The following MTRF1 variants were observed in gnomAD, a reference collection of about 807,000 sequenced individuals.
MTRF1 encodes mitochondrial translation release factor 1, also known as peptide chain release factor 1, mitochondrial.
MTRF1 carries 51 observed loss-of-function variants against 62.9 expected under a neutral mutation model. The ratio of observed to expected loss-of-function variants is 0.81; its 90% CI spans 0.65 to 1.02. The LOEUF is 1.02. Ranked by LOEUF, MTRF1 falls within the 50% of genes least tolerant of loss-of-function variation. The probability of loss-of-function intolerance (pLI) is 0.00; values close to 1 mark genes in which losing one functional copy is unlikely to be tolerated. For synonymous variants in MTRF1, 158 were observed against 181.9 expected, an observed-to-expected ratio of 0.87 and a Z score of 1.06; for missense variants, 446 against 530.0, an observed-to-expected ratio of 0.84 and a Z score of 1.56.
intron 7 of MTRF1, among the ~76,000 whole-genome samples, chr13:41,228,515 G>A (rs181878003): frequency 6.6e-6 from 1 of 152,262 alleles, no homozygotes; most frequent in African/African-American, 2.4e-5. Context: ...CAGTCAGTGA[G>A]CTATGATCAT....
In MTRF1 at chr13:41,260,474, A is replaced by C; in HGVS notation, c.415+19T>G. On this transcript the variant is annotated intron_variant, in intron 2 of 9. Coordinates refer to ENST00000379480, the MANE Select transcript of MTRF1 (RefSeq NM_004294.4). ...TTTTCATAGCCCTTATGCAGGACAC[A>C]TAAGTATCTTTTACCTACTTTTACA... is the stretch of plus-strand genomic sequence containing the variant. 2 of 1,600,452 alleles carry C rather than the reference A, an allele frequency of 1.2e-6. No homozygotes were observed. Among genetic ancestry groups the C allele is most frequent in the South Asian group, 1.1e-5 (1 of 89,254 alleles).
At chr13:41,221,090 C>T (rs1038747363) in intron 9 of MTRF1, among the ~76,000 whole-genome samples, 7 of 152,108 alleles carry the variant, frequency 4.6e-5, no homozygotes, top group Non-Finnish European at 1.0e-4. Flanking sequence ...ACAGCTGTTG[C>T]CCTGGGGTTA....
chr13:41,269,091 A>G, the MTRF1 span, among the ~76,000 whole-genome samples: 1 of 148,412 alleles, frequency 6.7e-6, no homozygotes, highest in South Asian at 2.1e-4. Context: ...CTTATATAAA[A>G]TTATTTCTCT....
the MTRF1 span, among the ~76,000 whole-genome samples, chr13:41,308,538 G>C: frequency 9.2e-5 from 14 of 152,126 alleles, no homozygotes; most frequent in African/African-American, 3.4e-4. Flanking sequence ...TGAGTATGAG[G>C]GTGCTGAGAG....
intron 6 of MTRF1, among the ~76,000 whole-genome samples, chr13:41,237,194 G>A (rs932817379): frequency 2.1e-5 from 3 of 145,652 alleles, no homozygotes; most frequent in Non-Finnish European, 4.5e-5. Flanking sequence ...ACTCTAGCCT[G>A]GGTGACAGAG....
chr13:41,275,939 C>G, the MTRF1 span, among the ~76,000 whole-genome samples: 5 of 152,096 alleles, frequency 3.3e-5, no homozygotes, highest in Non-Finnish European at 5.9e-5. Flanking sequence ...TGAACAACTG[C>G]AAGGCCATAA....
intron 7 of MTRF1, among the ~76,000 whole-genome samples, chr13:41,232,545 AT>A (rs1593708362): frequency 6.6e-6 from 1 of 152,250 alleles, no homozygotes; most frequent in East Asian, 1.9e-4. Context: ...CCATGAAATG[AT>A]CGATGAAGTG....
chr13:41,311,225 G>A, the MTRF1 span: 3 of 495,564 alleles, frequency 6.1e-6, no homozygotes, highest in African/African-American at 4.1e-5. Context: ...CCGCGCATGC[G>A]CACAGGATCC....
chr13:41,218,700 T>C (rs1274269491), intron 9 of MTRF1, among the ~76,000 whole-genome samples: 1 of 152,212 alleles, frequency 6.6e-6, no homozygotes, highest in African/African-American at 2.4e-5. Flanking sequence ...ACTGGCTTAA[T>C]GAAAATACTT....
chr13:41,223,588 T>C (rs2033831709), intron 8 of MTRF1, among the ~76,000 whole-genome samples: 1 of 152,172 alleles, frequency 6.6e-6, no homozygotes, highest in South Asian at 2.1e-4. Context: ...TCCAAATCCT[T>C]AAAATCAAAT....
chr13:41,257,791 C>CT (rs2039924300), intron 2 of MTRF1: 2 of 450,510 alleles, frequency 4.4e-6, no homozygotes, highest in Middle Eastern at 3.9e-4. Context: ...GAGCAAGACT[C>CT]TGTCTCTTAA....
At position 41,260,765 on chromosome 13, in the gene MTRF1, C is replaced by T. The variant is rs376552425; in HGVS notation, c.143G>A (p.Cys48Tyr). ...ATTCTTACTTAACAGATGAAGAATG[C>T]AATTCCTGTTTTGTCTAAAAACTTG... ...RLQVFRQNRN[C>Y]ILHLLSKNWS... The change falls in exon 2 of 10, where the codon TGC becomes TAC. Residue 48 changes from cysteine to tyrosine, a missense_variant. Transcript: ENST00000379480. 1.8e-5 allele frequency: 29 copies of T among 1,614,000 alleles called. No homozygotes were observed. Among genetic ancestry groups the T allele is most frequent in the Non-Finnish European group, 1.7e-5 (20 of 1,180,028 alleles).
intron 9 of MTRF1, among the ~76,000 whole-genome samples, chr13:41,220,248 T>G (rs1427499836): frequency 6.9e-6 from 1 of 144,100 alleles, no homozygotes; most frequent in Non-Finnish European, 1.5e-5. Flanking sequence ...GAGAATCACT[T>G]GAACCCAGGA....
At chr13:41,309,560 A>C in the MTRF1 span, among the ~76,000 whole-genome samples, 2 of 151,808 alleles carry the variant, frequency 1.3e-5, no homozygotes, top group African/African-American at 4.8e-5. Flanking sequence ...ATTGCTGTGG[A>C]CCCCCAATTT....
the MTRF1 span, among the ~76,000 whole-genome samples, chr13:41,295,924 C>A: frequency 6.6e-6 from 1 of 152,088 alleles, no homozygotes; most frequent in Admixed American, 6.5e-5. Context: ...CTGATGCATG[C>A]CAGAACATCC....
At chr13:41,272,943 T>C in the MTRF1 span, among the ~76,000 whole-genome samples, 1 of 152,018 alleles carries the variant, frequency 6.6e-6, no homozygotes, top group Non-Finnish European at 1.5e-5. Flanking sequence ...GGAGGGGTGC[T>C]CCCAGACCTC....
the MTRF1 span, among the ~76,000 whole-genome samples, chr13:41,283,585 C>CTT: frequency 5.1e-4 from 43 of 83,554 alleles, 11 homozygotes; most frequent in East Asian, 8.4e-4. Context: ...CTCTGACAAT[C>CTT]TTTTTTTTTT....
chr13:41,237,453 G>A (rs2036833485), intron 6 of MTRF1, among the ~76,000 whole-genome samples: 1 of 150,908 alleles, frequency 6.6e-6, no homozygotes, highest in South Asian at 2.1e-4. Context: ...TAACCACACA[G>A]AAAAAAATCA....
chr13:41,217,205 G>C lies in MTRF1; in HGVS notation c.1248C>G (p.Gly416=). 3 of 1,606,910 alleles carry C rather than the reference G, an allele frequency of 1.9e-6. No homozygotes were observed. Among genetic ancestry groups the C allele is most frequent in the Non-Finnish European group, 2.6e-6 (3 of 1,176,134 alleles). The change falls in exon 10 of 10, where the codon GGC becomes GGG. Residue 416 remains glycine (G), a synonymous_variant. Transcript: ENST00000379480. ...GCAGTCTCTGAATTAGCTGATCCAG[G>C]CCCTTCCCACCACATAAAAATTCCT... is the stretch of plus-strand genomic sequence containing the variant. The part of the protein sequence containing the change: ...DIKEFLCGGK[G]LDQLIQRLLQ...
Sources: allele counts gnomAD v4.1 joint callset (sites outside exome capture counted in the v4.1 genomes callset), GRCh38; gene constraint gnomAD v4.1.1; transcripts MANE v1.5; gene names NCBI Gene and HGNC (gene_info 2026-07-23, HGNC 2026-07-21).